C1QTNF3: variants seen among roughly 807,000 people sequenced by gnomAD.
The protein encoded by C1QTNF3 is complement C1q tumor necrosis factor-related protein 3.
In C1QTNF3, 26 loss-of-function variants were observed where a neutral mutation model predicts 32.6. The ratio of observed to expected loss-of-function variants is 0.80; its 90% confidence interval spans 0.58 to 1.11. C1QTNF3 has a LOEUF of 1.11. C1QTNF3 is among the 50% of genes least tolerant of loss of function. The pLI, the probability that C1QTNF3 is intolerant of heterozygous loss-of-function variation, is 0.00. For synonymous variants in C1QTNF3, 155 were observed against 146.0 expected, an observed-to-expected ratio of 1.06 and a Z score of -0.44; for missense variants, 362 against 398.2, an observed-to-expected ratio of 0.91 and a Z score of 0.77.
the C1QTNF3 span, among the ~76,000 whole-genome samples, chr5:34,122,337 G>T: frequency 6.6e-6 from 1 of 152,184 alleles, no homozygotes; most frequent in Admixed American, 6.5e-5. Flanking sequence ...AATGCTGGCA[G>T]AAATAAGCTT....
chr5:34,134,641 C>T, the C1QTNF3 span, among the ~76,000 whole-genome samples: 1 of 152,112 alleles, frequency 6.6e-6, no homozygotes, highest in African/African-American at 2.4e-5. Context: ...CCTTCACATC[C>T]CTTGTAAGTT....
the C1QTNF3 span, among the ~76,000 whole-genome samples, chr5:34,075,694 T>A: frequency 6.6e-6 from 1 of 151,538 alleles, no homozygotes; most frequent in African/African-American, 2.4e-5. Flanking sequence ...TCTAAAAAAA[T>A]GAACAACAGA....
chr5:34,171,782 A>G, the C1QTNF3 span, among the ~76,000 whole-genome samples: 1 of 152,166 alleles, frequency 6.6e-6, no homozygotes, highest in Non-Finnish European at 1.5e-5. Context: ...TATGAGAAAA[A>G]CTAAAGTATT....
the C1QTNF3 span, among the ~76,000 whole-genome samples, chr5:34,131,954 C>T: frequency 1.3e-5 from 2 of 151,934 alleles, no homozygotes; most frequent in African/African-American, 2.4e-5. Context: ...CATTAAATAA[C>T]GGTGATAGTA....
At chr5:34,050,343 A>G in the C1QTNF3 span, among the ~76,000 whole-genome samples, 1 of 152,122 alleles carries the variant, frequency 6.6e-6, no homozygotes, top group Admixed American at 6.5e-5. Flanking sequence ...CTCTCTCTTC[A>G]TGAAGTTTAC....
At chr5:34,201,972 G>T in the C1QTNF3 span, among the ~76,000 whole-genome samples, 1 of 152,096 alleles carries the variant, frequency 6.6e-6, no homozygotes. Context: ...CTGGGGATTA[G>T]GCACAAGGAT....
the C1QTNF3 span, among the ~76,000 whole-genome samples, chr5:34,111,917 A>C: frequency 1.3e-5 from 2 of 152,346 alleles, no homozygotes; most frequent in South Asian, 4.1e-4. Context: ...GCACTTAGTC[A>C]CATGGCACAC....
chr5:34,203,999 C>T, the C1QTNF3 span, among the ~76,000 whole-genome samples: 1 of 151,830 alleles, frequency 6.6e-6, no homozygotes, highest in South Asian at 2.1e-4. Flanking sequence ...ATGCATCCAA[C>T]ACTAGACCAC....
At chr5:34,164,908 C>T in the C1QTNF3 span, 1 of 151,696 alleles carries the variant, frequency 6.6e-6, no homozygotes, top group Non-Finnish European at 1.5e-5. Context: ...CTTCATAGTT[C>T]AGATGGATCT....
chr5:34,054,692 A>G, the C1QTNF3 span, among the ~76,000 whole-genome samples: 4 of 152,190 alleles, frequency 2.6e-5, no homozygotes, highest in East Asian at 7.7e-4. Context: ...CTATCAGCAC[A>G]TGGAAAAATA....
At chr5:34,111,037 G>A in the C1QTNF3 span, among the ~76,000 whole-genome samples, 3 of 152,006 alleles carry the variant, frequency 2.0e-5, no homozygotes, top group Non-Finnish European at 2.9e-5. Flanking sequence ...CTATTCTTAC[G>A]GTCTCACTTC....
At chr5:34,223,469 G>A in the C1QTNF3 span, among the ~76,000 whole-genome samples, 4 of 148,716 alleles carry the variant, frequency 2.7e-5, no homozygotes, top group East Asian at 2.0e-4. Context: ...GAATAGTGCC[G>A]CAATAAACAT....
chr5:34,177,480 C>CTTTTTTTTTTT, the C1QTNF3 span, among the ~76,000 whole-genome samples: 1 of 84,640 alleles, frequency 1.2e-5, no homozygotes, highest in Non-Finnish European at 2.1e-5. Flanking sequence ...CCATACCCAA[C>CTTTTTTTTTTT]TTTTTTTTTT....
chr5:34,201,680 T>G, the C1QTNF3 span, among the ~76,000 whole-genome samples: 2 of 152,302 alleles, frequency 1.3e-5, no homozygotes, highest in Middle Eastern at 6.8e-3. Flanking sequence ...AGGTTAACTG[T>G]CTCCCCCTTT....
At chr5:34,132,753 T>C in the C1QTNF3 span, among the ~76,000 whole-genome samples, 1 of 152,092 alleles carries the variant, frequency 6.6e-6, no homozygotes, top group African/African-American at 2.4e-5. Flanking sequence ...GAAGCAAAAT[T>C]AGAGAAAGAG....
chr5:34,178,371 G>C, the C1QTNF3 span, among the ~76,000 whole-genome samples: 1 of 152,152 alleles, frequency 6.6e-6, no homozygotes, highest in African/African-American at 2.4e-5. Flanking sequence ...TGACTAGTTT[G>C]CAGAAGTGTC....
At chr5:34,157,765 A>G in the C1QTNF3 span, among the ~76,000 whole-genome samples, 4 of 152,198 alleles carry the variant, frequency 2.6e-5, no homozygotes, top group Non-Finnish European at 5.9e-5. Context: ...TCTAGCCTCT[A>G]AAGAGGAACA....
At chr5:34,202,941 T>C in the C1QTNF3 span, among the ~76,000 whole-genome samples, 1 of 152,018 alleles carries the variant, frequency 6.6e-6, no homozygotes, top group African/African-American at 2.4e-5. Context: ...ACAGAGTAAA[T>C]GTGCCACCAA....
chr5:34,034,564 T>C (rs1211934006), intron 2 of C1QTNF3, among the ~76,000 whole-genome samples: 2 of 152,250 alleles, frequency 1.3e-5, no homozygotes, highest in Non-Finnish European at 2.9e-5. Context: ...TTTTGCATGC[T>C]ACCCTTGGTT....
Sources: allele counts gnomAD v4.1 joint callset (sites outside exome capture counted in the v4.1 genomes callset), GRCh38; gene constraint gnomAD v4.1.1; transcripts MANE v1.5; gene names NCBI Gene and HGNC (gene_info 2026-07-23, HGNC 2026-07-21).